Variants in CAPN2 observed in about 807,000 individuals in gnomAD.
CAPN2 encodes calpain-2 catalytic subunit.
In CAPN2, 92 loss-of-function variants were observed where a neutral mutation model predicts 102.3. That is an observed-to-expected ratio of 0.90 (90% CI 0.76 to 1.07). The LOEUF is 1.07. Ranked by LOEUF, CAPN2 falls within the 50% of genes least tolerant of loss-of-function variation. The pLI is 0.00. For synonymous variants in CAPN2, 340 were observed against 355.4 expected, an observed-to-expected ratio of 0.96 and a Z score of 0.49; for missense variants, 800 against 909.4, an observed-to-expected ratio of 0.88 and a Z score of 1.55.
chr1:223,743,291 C>T (rs936043503), intron 2 of CAPN2, among the ~76,000 whole-genome samples: 74 of 152,290 alleles, frequency 4.9e-4, no homozygotes, highest in African/African-American at 1.6e-3. Flanking sequence ...CACAGAAACC[C>T]TTCGGGACAG....
chr1:223,737,109 G>C (rs1660474047), intron 2 of CAPN2, among the ~76,000 whole-genome samples: 1 of 152,186 alleles, frequency 6.6e-6, no homozygotes, highest in Admixed American at 6.5e-5. Flanking sequence ...GAAGGGACAG[G>C]AGGCCCCTAA....
At chr1:223,765,599 G>A (rs1008997099) in intron 15 of CAPN2, among the ~76,000 whole-genome samples, 11 of 152,338 alleles carry the variant, frequency 7.2e-5, no homozygotes, top group African/African-American at 1.9e-4. Context: ...CGCTCCGCGC[G>A]TGCCTCTGAG....
At chr1:223,705,410 T>C (rs1247311062) in intron 1 of CAPN2, among the ~76,000 whole-genome samples, 1 of 152,218 alleles carries the variant, frequency 6.6e-6, no homozygotes, top group Non-Finnish European at 1.5e-5. Context: ...GGCAGAGTGC[T>C]ACTTTGGCTT....
chr1:223,772,264 T>A, intron 20 of CAPN2, 25 bp downstream of exon 20: 1 of 1,605,418 alleles, frequency 6.2e-7, no homozygotes, highest in Non-Finnish European at 8.5e-7. Context: ...CCCGCCTTGC[T>A]TCTAAGGGGA....
chr1:223,704,229 C>T (rs900270510), intron 1 of CAPN2, among the ~76,000 whole-genome samples: 5 of 151,982 alleles, frequency 3.3e-5, no homozygotes, highest in South Asian at 2.1e-4. Flanking sequence ...GGGTAGAGGT[C>T]GCGGTGAGTC....
chr1:223,742,496 GTGTA>G lies in CAPN2; in HGVS notation c.308-1602_308-1599del, dbSNP rs144083208. Among the ~76,000 whole-genome samples, 779 of 105,226 alleles carry G rather than the reference GTGTA, an allele frequency of 7.4e-3. 15 individuals are homozygous for G. The highest frequency in any genetic ancestry group is 0.026 in the African/African-American group (728 of 28,166). The allele number at this position is 105,226 out of a possible 152,430, so 69.0% of individuals were successfully genotyped here. On this transcript the variant is annotated intron_variant, in intron 2 of 20. Coordinates refer to ENST00000295006, the MANE Select transcript of CAPN2 (RefSeq NM_001748.5). ...TATATTACATATTTTATATATATGTGTGTATATATATATATATATATATTTTTTT... is the reference window on the plus strand; with the variant it reads ...TATATTACATATTTTATATATATGTGTATATATATATATATATATTTTTTT...
rs139839731 is a variant in CAPN2, at chr1:223,703,935, A to G, written c.3+2104A>G. The stretch of plus-strand genomic sequence containing the variant: ...CTAAAAACCACACACTCACATCCAC[A>G]CATGCCACAGACCCTCTCATGAACA... On this transcript the variant is annotated intron_variant, in intron 1 of 20. Coordinates refer to the CAPN2 transcript ENST00000433674. 5.6e-3 allele frequency among the ~76,000 whole-genome samples: 854 copies of G among 152,286 alleles called. 10 individuals carry two copies. Among genetic ancestry groups the G allele is most frequent in the African/African-American group, 0.019 (790 of 41,538 alleles).
intron 2 of CAPN2, among the ~76,000 whole-genome samples, chr1:223,738,430 C>G (rs1024604464): frequency 2.0e-5 from 3 of 152,166 alleles, no homozygotes; most frequent in Non-Finnish European, 4.4e-5. Context: ...CCCTGGCCTC[C>G]CAAGAGCTAG....
In CAPN2 at chr1:223,731,717, G is replaced by A. The variant is rs879712262; in HGVS notation, c.308-12383G>A. Reference sequence around the variant, plus strand: ...CATGTCCTCCAGAGTTGACTTACGCGAGGACAGAGGTGTGCAGAGGCACGG... The same window carrying A: ...CATGTCCTCCAGAGTTGACTTACGCAAGGACAGAGGTGTGCAGAGGCACGG... On this transcript the variant is annotated intron_variant, in intron 2 of 20. Coordinates refer to ENST00000295006, the MANE Select transcript of CAPN2 (RefSeq NM_001748.5). The surrounding 1 kb of genome is among the most constrained non-coding windows in gnomAD (Gnocchi z 4.2). 6.6e-6 allele frequency among the ~76,000 whole-genome samples: 1 copy of A among 152,214 alleles called. No homozygotes were observed. Among genetic ancestry groups the A allele is most frequent in the Non-Finnish European group, 1.5e-5 (1 of 68,042 alleles).
rs772882922 is a variant in CAPN2 at position 223,747,061 on chromosome 1, G to A, written c.625G>A (p.Gly209Arg). The A allele has an allele frequency of 3.0e-5, 49 of 1,613,952 alleles. No individual in the cohort carries two copies. The highest frequency in any genetic ancestry group is 4.5e-5 in the East Asian group (2 of 44,888). Residue 209 changes from glycine (G) to arginine (R), a missense_variant, in exon 5 of 21, where the codon GGA (glycine) becomes AGA (arginine). Transcript: ENST00000295006. The part of the protein sequence containing the change: ...ATTEGFEDFT[G>R]GIAEWYELKK... ...CACTGAGGGCTTCGAAGACTTCACC[G>A]GAGGCATTGCTGAGTGGTATGAGTT...
chr1:223,710,584 C>A (rs61823968), upstream of CAPN2, among the ~76,000 whole-genome samples: 3 of 152,066 alleles, frequency 2.0e-5, no homozygotes, highest in African/African-American at 7.2e-5. Context: ...ACCTCTCCAG[C>A]GTGAACATCA....
In CAPN2 at chr1:223,755,524, G is replaced by A; in HGVS notation, c.1180G>A (p.Glu394Lys). ...NPQYLIKLEE[E>K]DEDEEDGESG... ...TCAGTACCTGATCAAGCTGGAGGAG[G>A]AGGATGAGGACGAGGAGGATGGGGA... The change falls in exon 10 of 21, where the codon GAG becomes AAG. Residue 394 changes from glutamate (E) to lysine (K), a missense_variant. Physicochemically the swap from Glu to Lys is moderately conservative, Grantham distance 56. Coordinates refer to ENST00000295006, the MANE Select transcript of CAPN2 (RefSeq NM_001748.5). This position sits in a 1 kb window ranked among gnomAD's most constrained non-coding sequence, Gnocchi z 4.1. 6.2e-7 allele frequency: 1 copy of A among 1,613,878 alleles called. No individual in the cohort carries two copies. Among genetic ancestry groups the A allele is most frequent in the African/African-American group, 1.3e-5 (1 of 75,052 alleles).
rs1295645214 is a variant in CAPN2, at chr1:223,770,506, G to A, written c.1884G>A (p.Arg628=). 6.2e-7 allele frequency: 1 copy of A among 1,613,018 alleles called. No homozygotes were observed. Among genetic ancestry groups the A allele is most frequent in the South Asian group, 1.1e-5 (1 of 91,042 alleles). ...RSGTMNSYEM[R]KALEEAGFKM... Reference sequence around the variant, plus strand: ...GTACCATGAATTCCTATGAAATGCGGAAGGCATTAGAAGAAGCAGGTAACC... The same window carrying A: ...GTACCATGAATTCCTATGAAATGCGAAAGGCATTAGAAGAAGCAGGTAACC... Residue 628 remains arginine, a synonymous_variant, in exon 18 of 21, where the codon CGG becomes CGA. Coordinates refer to ENST00000295006, the MANE Select transcript of CAPN2 (RefSeq NM_001748.5).
chr1:223,732,045 C>G (rs1660350240), intron 2 of CAPN2, among the ~76,000 whole-genome samples: 1 of 152,152 alleles, frequency 6.6e-6, no homozygotes, highest in African/African-American at 2.4e-5. Context: ...TCACCCCGAG[C>G]CATGGAAACT....
intron 15 of CAPN2, among the ~76,000 whole-genome samples, chr1:223,765,703 T>C (rs1222154): frequency 0.58 from 87,517 of 152,050 alleles, 26,682 homozygotes; most frequent in African/African-American, 0.78. Flanking sequence ...CAGAGCCTTA[T>C]GACCATCTAA....
At chr1:223,702,747 G>T (rs1185706161) in intron 1 of CAPN2, among the ~76,000 whole-genome samples, 1 of 152,130 alleles carries the variant, frequency 6.6e-6, no homozygotes, top group Admixed American at 6.5e-5. Context: ...AGTGGCCCCT[G>T]TGACTGGAAA....
At position 223,770,534 on chromosome 1, in the gene CAPN2, T is replaced by TTA; in HGVS notation, c.1903+12_1903+13dup. 1 of 1,591,484 alleles carries TTA rather than the reference T, an allele frequency of 6.3e-7. No homozygotes were observed. The highest frequency in any genetic ancestry group is 8.6e-7 in the Non-Finnish European group (1 of 1,159,614). On this transcript the variant is annotated intron_variant, in intron 18 of 20. Transcript: ENST00000295006. ...GGCATTAGAAGAAGCAGGTAACCCTTTATAACTGCATTTTCGTTCCTAGTT... is the reference window on the plus strand; with the variant it reads ...GGCATTAGAAGAAGCAGGTAACCCTTTATATAACTGCATTTTCGTTCCTAGTT...
chr1:223,770,355 A>C, intron 17 of CAPN2, 92 bp from the exon 18 acceptor site: 1 of 791,064 alleles, frequency 1.3e-6, no homozygotes, highest in Non-Finnish European at 2.2e-6. Context: ...ACAGAGCTGG[A>C]AAAACTTCAT....
At chr1:223,762,779 C>T (rs1456446797) in intron 14 of CAPN2, among the ~76,000 whole-genome samples, 1 of 152,066 alleles carries the variant, frequency 6.6e-6, no homozygotes, top group Non-Finnish European at 1.5e-5. Context: ...TTCCTGGGCT[C>T]AAGAGATCTT....
Sources: allele counts gnomAD v4.1 joint callset (sites outside exome capture counted in the v4.1 genomes callset), GRCh38; gene constraint gnomAD v4.1.1; non-coding constraint Gnocchi (gnomAD v3.1); transcripts MANE v1.5; gene names NCBI Gene and HGNC (gene_info 2026-07-23, HGNC 2026-07-21).